Variants in RALGAPA2 observed in about 807,000 individuals in gnomAD.
RALGAPA2 encodes ral GTPase-activating protein subunit alpha-2.
A neutral mutation model predicts 230.4 loss-of-function variants in RALGAPA2; 139 were observed. The observed-to-expected ratio is 0.60, with a 90% CI of 0.53 to 0.69. RALGAPA2 has a LOEUF of 0.69. Among genes scored for constraint, RALGAPA2 ranks in the 30% least tolerant of loss-of-function variants. The pLI, the probability that RALGAPA2 is intolerant of heterozygous loss-of-function variation, is 0.00. For missense variants in RALGAPA2, 2,163 were observed against 2,276.0 expected (o/e 0.95, Z 1.01); for synonymous variants, 847 against 837.8 (o/e 1.01, Z -0.19).
chr20:20,702,931 G>C (rs1257154422), intron 1 of RALGAPA2, among the ~76,000 whole-genome samples: 3 of 152,180 alleles, frequency 2.0e-5, no homozygotes, highest in Non-Finnish European at 4.4e-5. Context: ...CCAGCAGTTT[G>C]GGAGGCCGAG....
chr20:20,605,431 C>G lies in RALGAPA2; in HGVS notation c.1801-19G>C, dbSNP rs185939435. 6.5e-7 allele frequency: 1 copy of G among 1,538,812 alleles called. No homozygotes were observed. The highest frequency in any genetic ancestry group is 2.3e-5 in the East Asian group (1 of 44,136). On this transcript the variant is annotated intron_variant, in intron 14 of 39. Transcript: ENST00000202677. ...TGAGCGTCTAAAACCAACCAACCAA[C>G]AAGAGAATTCACACATCTTCATTTG...
chr20:20,698,750 A>T (rs971118017), intron 1 of RALGAPA2, among the ~76,000 whole-genome samples: 2 of 152,260 alleles, frequency 1.3e-5, no homozygotes, highest in African/African-American at 4.8e-5. Context: ...AAAAAAAATT[A>T]ACATTCAAAC....
intron 37 of RALGAPA2, among the ~76,000 whole-genome samples, chr20:20,430,952 A>T (rs1266973877): frequency 1.3e-5 from 2 of 152,042 alleles, no homozygotes; most frequent in Non-Finnish European, 2.9e-5. Context: ...GTCTCCCAGC[A>T]TACTACTGAT....
At position 20,572,909 on chromosome 20, in the gene RALGAPA2, C is replaced by G. The variant is rs200355921; in HGVS notation, c.2867G>C (p.Cys956Ser). The change falls in exon 21 of 40, where the codon TGC (cysteine) becomes TCC (serine). Residue 956 changes from cysteine to serine, a missense_variant. Coordinates refer to ENST00000202677, the MANE Select transcript of RALGAPA2 (RefSeq NM_020343.4). The part of the protein sequence containing the change: ...QSPKIHARVF[C>S]YLYELWYKLA... The stretch of plus-strand genomic sequence containing the variant: ...TTTGTACCAGAGTTCATAGAGATAG[C>G]AGAAAACTCTGGCATGGATCTTGGG... 1.9e-6 allele frequency: 3 copies of G among 1,562,324 alleles called. No individual in the cohort carries two copies. The highest frequency in any genetic ancestry group is 2.4e-5 in the East Asian group (1 of 42,296).
In RALGAPA2 at chr20:20,637,330, A is replaced by G. The variant is rs747499807; in HGVS notation, c.805+33T>C. The stretch of plus-strand genomic sequence containing the variant: ...AAGAGACTGCATAGCTTTCCTTTGG[A>G]TATCCTCTATACACGGCTCCAACAG... On this transcript the variant is annotated intron_variant, in intron 8 of 39. Coordinates refer to ENST00000202677, the MANE Select transcript of RALGAPA2 (RefSeq NM_020343.4). 3.3e-6 allele frequency: 5 copies of G among 1,494,680 alleles called. No individual in the cohort carries two copies. In the African/African-American group the frequency reaches 7.1e-5, roughly 21 times the overall value. 92.6% of individuals were successfully genotyped at this position (1,494,680 alleles called of 1,614,324 possible).
chr20:20,654,157 C>T (rs1019329731), intron 3 of RALGAPA2, among the ~76,000 whole-genome samples: 6 of 152,092 alleles, frequency 3.9e-5, no homozygotes, highest in Admixed American at 3.3e-4. Context: ...ACAAATTTGA[C>T]TTTTGTAGAT....
rs1195701505 is a variant in RALGAPA2, at chr20:20,637,414, G to A, written c.754C>T (p.His252Tyr). The change falls in exon 8 of 40, where the codon CAT becomes TAT. Residue 252 changes from histidine (H) to tyrosine (Y), a missense_variant. His to Tyr is a moderately conservative substitution (Grantham distance 83). Transcript: ENST00000202677. ...AACTTAGTAAATGATGGAAATAAAT[G>A]AGGAAGATAATACTTTCGAAACAAT... Reference protein sequence around the residue: ...FTLFRKYYLPHLFPSFTKLTN... With the variant: ...FTLFRKYYLPYLFPSFTKLTN... 1.9e-6 allele frequency: 3 copies of A among 1,588,358 alleles called. No individual in the cohort carries two copies. The highest frequency in any genetic ancestry group is 2.6e-6 in the Non-Finnish European group (3 of 1,164,142).
In RALGAPA2 at chr20:20,513,262, C is replaced by T; in HGVS notation, c.4107G>A (p.Glu1369=). 1 of 1,475,040 alleles carries T rather than the reference C, an allele frequency of 6.8e-7. No individual in the cohort carries two copies. The highest frequency in any genetic ancestry group is 2.5e-5 in the Admixed American group (1 of 40,204). 91.4% of individuals were successfully genotyped at this position (1,475,040 alleles called of 1,614,324 possible). A position where few individuals can be genotyped will look rare whatever the true frequency, so the allele number is the denominator to read the frequency against. The change falls in exon 32 of 40, where the codon GAG becomes GAA. Residue 1369 remains glutamate, a synonymous_variant. Transcript: ENST00000202677. ...VEEEKKRRSL[E]LIPLTARMVM... is the part of the protein sequence containing the mutation. Reference sequence around the variant, plus strand: ...CCATTCGAGCAGTCAAAGGGATCAACTCCAAACTTCTTCTCTTCTTCTCTG... The same window carrying T: ...CCATTCGAGCAGTCAAAGGGATCAATTCCAAACTTCTTCTCTTCTTCTCTG...
chr20:20,513,745 G>C (rs528493674), intron 31 of RALGAPA2, among the ~76,000 whole-genome samples: 2 of 152,192 alleles, frequency 1.3e-5, no homozygotes, highest in Non-Finnish European at 2.9e-5. Flanking sequence ...AAAAGCTGCA[G>C]GCAATTCCTA....
chr20:20,408,141 T>C (rs1020267549), intron 38 of RALGAPA2, among the ~76,000 whole-genome samples: 26 of 152,374 alleles, frequency 1.7e-4, no homozygotes, highest in African/African-American at 6.3e-4. Flanking sequence ...TACGTAGTAT[T>C]GGCATCTTCA....
intron 2 of RALGAPA2, among the ~76,000 whole-genome samples, chr20:20,677,805 G>A (rs1277697545): frequency 2.0e-5 from 3 of 151,296 alleles, no homozygotes; most frequent in South Asian, 2.1e-4. Context: ...CACCACACCC[G>A]GCTAATTTTT....
Position 20,433,760 on chromosome 20 carries a change from A to G in RALGAPA2, c.5496-21612T>C, listed in dbSNP as rs141763501. On this transcript the variant is annotated intron_variant, in intron 37 of 39. Transcript: ENST00000202677. ...ATGAGATAGTCTGGATGTTTTTGTGAGATGAAGACGATGCTCACGAAGGAC... is the reference window on the plus strand; with the variant it reads ...ATGAGATAGTCTGGATGTTTTTGTGGGATGAAGACGATGCTCACGAAGGAC... Among the ~76,000 whole-genome samples the G allele has an allele frequency of 2.0e-5, 3 of 152,310 alleles. No homozygotes were observed. In the East Asian group the frequency reaches 5.8e-4, roughly 29 times the overall value.
chr20:20,611,900 A>G (rs2065987626), intron 13 of RALGAPA2, among the ~76,000 whole-genome samples: 1 of 152,160 alleles, frequency 6.6e-6, no homozygotes, highest in African/African-American at 2.4e-5. Context: ...TATCTTGGTA[A>G]GGTGGAATGC....
At chr20:20,397,769 T>C (rs540901962) in intron 38 of RALGAPA2, among the ~76,000 whole-genome samples, 141 of 152,320 alleles carry the variant, frequency 9.3e-4, no homozygotes, top group African/African-American at 3.3e-3. Context: ...CAAGGCTCCA[T>C]GAAAGAAACG....
intron 1 of RALGAPA2, among the ~76,000 whole-genome samples, chr20:20,697,986 T>G (rs114823017): frequency 6.6e-6 from 1 of 152,156 alleles, no homozygotes; most frequent in Non-Finnish European, 1.5e-5. Flanking sequence ...CATGGGTTTC[T>G]GCCACTTGCA....
At chr20:20,639,387 A>C (rs987748034) in intron 7 of RALGAPA2, among the ~76,000 whole-genome samples, 1 of 152,256 alleles carries the variant, frequency 6.6e-6, no homozygotes. Flanking sequence ...GAAAAATAAT[A>C]CATGACATAA....
At chr20:20,457,334 T>C (rs1480281939) in intron 37 of RALGAPA2, among the ~76,000 whole-genome samples, 1 of 152,240 alleles carries the variant, frequency 6.6e-6, no homozygotes. Flanking sequence ...TTCACTGTTC[T>C]GAGGCAGAGC....
chr20:20,552,807 C>A (rs2145768980), intron 23 of RALGAPA2, among the ~76,000 whole-genome samples: 1 of 152,238 alleles, frequency 6.6e-6, no homozygotes, highest in South Asian at 2.1e-4. Flanking sequence ...CCTCAAAGCT[C>A]CAAGGCCTGA....
chr20:20,515,162 G>T (rs2062829963), intron 31 of RALGAPA2, among the ~76,000 whole-genome samples: 1 of 152,188 alleles, frequency 6.6e-6, no homozygotes. Flanking sequence ...TGGTAAACAA[G>T]GATCAAGTAT....
Sources: allele counts gnomAD v4.1 joint callset (sites outside exome capture counted in the v4.1 genomes callset), GRCh38; gene constraint gnomAD v4.1.1; transcripts MANE v1.5; gene names NCBI Gene and HGNC (gene_info 2026-07-23, HGNC 2026-07-21).